The following CD58 variants were observed in gnomAD, a reference collection of about 807,000 sequenced individuals.
CD58 encodes CD58 molecule.
CD58 carries 14 observed loss-of-function variants against 27.6 expected under a neutral mutation model. The ratio of observed to expected loss-of-function variants is 0.51; its 90% CI spans 0.34 to 0.79. CD58 has a LOEUF of 0.79. Among genes scored for constraint, CD58 ranks in the 30% least tolerant of loss-of-function variants. The pLI, the probability that CD58 is intolerant of heterozygous loss-of-function variation, is 0.02. For synonymous variants in CD58, 117 were observed against 103.8 expected (o/e 1.13, Z -0.77); for missense variants, 268 against 301.7 (o/e 0.89, Z 0.83).
At position 116,527,945 on chromosome 1, in the gene CD58, T is replaced by C. The variant is rs1249141878; in HGVS notation, c.629-5962A>G. On this transcript the variant is annotated intron_variant, in intron 3 of 5. Coordinates refer to ENST00000369489, the MANE Select transcript of CD58 (RefSeq NM_001779.3). The surrounding 1 kb of genome is among the most constrained non-coding windows in gnomAD (Gnocchi z 4.4). Reference sequence around the variant, plus strand: ...ACCTCAGTAACTTTTTAATTTTTAGTAGAGATAGGGTCTCCCTATGTTGCC... The same window carrying C: ...ACCTCAGTAACTTTTTAATTTTTAGCAGAGATAGGGTCTCCCTATGTTGCC... Among the ~76,000 whole-genome samples, 3 of 152,200 alleles carry C rather than the reference T, an allele frequency of 2.0e-5. 1 individual carries two copies. The highest frequency in any genetic ancestry group is 6.5e-5 in the Admixed American group (1 of 15,274).
At position 116,531,747 on chromosome 1, in the gene CD58, C is replaced by CT. The variant is rs571072562; in HGVS notation, c.628+4217dup. Among the ~76,000 whole-genome samples the CT allele has an allele frequency of 1.3e-5, 2 of 151,996 alleles. No homozygotes were observed. Among genetic ancestry groups the CT allele is most frequent in the African/African-American group, 2.4e-5 (1 of 41,384 alleles). On this transcript the variant is annotated intron_variant, in intron 3 of 5. Coordinates refer to ENST00000369489, the MANE Select transcript of CD58 (RefSeq NM_001779.3). This position sits in a 1 kb window ranked among gnomAD's most constrained non-coding sequence, Gnocchi z 4.5. ...AAATTGGGACTCATTTGCACTTTTTCTTTTTTTTCTCCGTGTTTCATAACT... is the reference window on the plus strand; with the variant it reads ...AAATTGGGACTCATTTGCACTTTTTCTTTTTTTTTCTCCGTGTTTCATAACT...
In CD58 at chr1:116,570,856, C is replaced by T; in HGVS notation, c.70+47G>A. The stretch of plus-strand genomic sequence containing the variant: ...GCGTCCACCCAGCCTGGGTGCTGCC[C>T]AGTACCCGCCGGCCGGCGCGGGGCC... On this transcript the variant is annotated intron_variant, in intron 1 of 5. Coordinates refer to ENST00000369489, the MANE Select transcript of CD58 (RefSeq NM_001779.3). The surrounding 1 kb of genome is among the most constrained non-coding windows in gnomAD (Gnocchi z 6.4). 6.8e-7 allele frequency: 1 copy of T among 1,473,604 alleles called. No homozygotes were observed. The allele number at this position is 1,473,604 out of a possible 1,614,324, so 91.3% of individuals were successfully genotyped here.
rs903464476 is a variant in CD58, at chr1:116,516,139, G to A, written c.744-1317C>T. On this transcript the variant is annotated intron_variant, in intron 5 of 5. Transcript: ENST00000369489. This position sits in a 1 kb window ranked among gnomAD's most constrained non-coding sequence, Gnocchi z 6.1. ...TAACTCCTAAACTCAAGCGATCCTC[G>A]CACCTCAGCCTCCCAAGTAGCTGAG... is the stretch of plus-strand genomic sequence containing the variant. Among the ~76,000 whole-genome samples, 2 of 151,904 alleles carry A rather than the reference G, an allele frequency of 1.3e-5. No homozygotes were observed. The highest frequency in any genetic ancestry group is 2.1e-4 in the South Asian group (1 of 4,808).
rs755251356 is a variant in CD58 at position 116,521,883 on chromosome 1, T to A, written c.706+23A>T. ...AAAACAATGCAAGTTTTCAAACTAT[T>A]TTGTTTTAAAAAGCATACATACCAT... On this transcript the variant is annotated intron_variant, in intron 4 of 5. Coordinates refer to ENST00000369489, the MANE Select transcript of CD58 (RefSeq NM_001779.3). The surrounding 1 kb of genome is among the most constrained non-coding windows in gnomAD (Gnocchi z 5.6). The A allele has an allele frequency of 1.6e-6, 2 of 1,243,610 alleles. No homozygotes were observed. Among genetic ancestry groups the A allele is most frequent in the South Asian group, 2.5e-5 (2 of 79,534 alleles). The allele number at this position is 1,243,610 out of a possible 1,614,324, so 77.0% of individuals were successfully genotyped here.
rs2101181395 is a variant in CD58 at position 116,538,902 on chromosome 1, A to T, written c.365-2674T>A. ...CTTCAAATAAAATGTAAATTCTTCT[A>T]CCCGCTATCTCCAAAGAGGTACAGT... On this transcript the variant is annotated intron_variant, in intron 2 of 5. Transcript: ENST00000369489. This position sits in a 1 kb window ranked among gnomAD's most constrained non-coding sequence, Gnocchi z 4.7. Among the ~76,000 whole-genome samples, 1 of 152,294 alleles carries T rather than the reference A, an allele frequency of 6.6e-6. No individual in the cohort carries two copies. The highest frequency in any genetic ancestry group is 6.5e-5 in the Admixed American group (1 of 15,292).
intron 1 of CD58, among the ~76,000 whole-genome samples, chr1:116,561,165 A>G (rs1054992884): frequency 6.6e-6 from 1 of 152,256 alleles, no homozygotes; most frequent in African/African-American, 2.4e-5. Flanking sequence ...AAGGAGGTCA[A>G]TAAAATAAAT....
chr1:116,533,691 C>A (rs1657693038), intron 3 of CD58: 5 of 682,524 alleles, frequency 7.3e-6, no homozygotes, highest in Non-Finnish European at 1.4e-5. Context: ...TGTCTCCAGC[C>A]AATTTCTCCT....
intron 3 of CD58, chr1:116,533,417 G>A: frequency 2.5e-6 from 2 of 801,968 alleles, no homozygotes; most frequent in Non-Finnish European, 4.5e-6. Flanking sequence ...TCATCTTGCA[G>A]GTTTTTGTCA....
chr1:116,517,767 A>G lies in CD58; in HGVS notation c.743+1464T>C, dbSNP rs913638693. Among the ~76,000 whole-genome samples, 3 of 152,108 alleles carry G rather than the reference A, an allele frequency of 2.0e-5. No homozygotes were observed. Among genetic ancestry groups the G allele is most frequent in the Non-Finnish European group, 4.4e-5 (3 of 68,030 alleles). On this transcript the variant is annotated intron_variant, in intron 5 of 5. Coordinates refer to ENST00000369489, the MANE Select transcript of CD58 (RefSeq NM_001779.3). The surrounding 1 kb of genome is among the most constrained non-coding windows in gnomAD (Gnocchi z 6.5). ...CACGGCATCAATTACTGTCCAGATG[A>G]AGAGGCGCCCCAATCCGTAACTCTA...
rs576339259 is a variant in CD58 at position 116,545,143 on chromosome 1, G to A, written c.71-539C>T. Among the ~76,000 whole-genome samples, 122 of 152,286 alleles carry A rather than the reference G, an allele frequency of 8.0e-4. 1 individual carries two copies. Among genetic ancestry groups the A allele is most frequent in the Middle Eastern group, 3.4e-3 (1 of 292 alleles). On this transcript the variant is annotated intron_variant, in intron 1 of 5. Coordinates refer to ENST00000369489, the MANE Select transcript of CD58 (RefSeq NM_001779.3). ...GCATGGTGTGCTTGAGGATACACAC[G>A]TGATTCCTAACAGCTAGAATGAGGA...
At position 116,522,835 on chromosome 1, in the gene CD58, C is replaced by T. The variant is rs1282859499; in HGVS notation, c.629-852G>A. 6.6e-6 allele frequency among the ~76,000 whole-genome samples: 1 copy of T among 151,626 alleles called. No individual in the cohort carries two copies. The highest frequency in any genetic ancestry group is 1.9e-4 in the East Asian group (1 of 5,194). ...AATTCTGGCAGTTGTATATAATAAG[C>T]CTTAAAAATATTTATCATGAAGCAT... is the stretch of plus-strand genomic sequence containing the variant. On this transcript the variant is annotated intron_variant, in intron 3 of 5. Transcript: ENST00000369489. This position sits in a 1 kb window ranked among gnomAD's most constrained non-coding sequence, Gnocchi z 4.6.
intron 1 of CD58, among the ~76,000 whole-genome samples, chr1:116,569,410 C>G (rs1380035512): frequency 1.3e-5 from 2 of 152,124 alleles, no homozygotes; most frequent in East Asian, 3.9e-4. Context: ...GCTCTCTCAG[C>G]TCAGAGAATC....
chr1:116,561,333 G>C (rs1658743991), intron 1 of CD58, among the ~76,000 whole-genome samples: 1 of 152,168 alleles, frequency 6.6e-6, no homozygotes, highest in Non-Finnish European at 1.5e-5. Context: ...GTGACAAGTG[G>C]GGAAATCTGA....
intron 3 of CD58, among the ~76,000 whole-genome samples, chr1:116,529,870 C>T (rs777012763): frequency 1.6e-4 from 24 of 152,180 alleles, no homozygotes; most frequent in South Asian, 8.3e-4. Flanking sequence ...GTTGCAGTGA[C>T]GGTATGACAG....
At chr1:116,560,621 T>C (rs1304192085) in intron 1 of CD58, among the ~76,000 whole-genome samples, 1 of 152,234 alleles carries the variant, frequency 6.6e-6, no homozygotes, top group Non-Finnish European at 1.5e-5. Flanking sequence ...TTCAAGAAAC[T>C]ACAGACTGGT....
chr1:116,520,138 G>GTTTT (rs931475257), intron 4 of CD58, among the ~76,000 whole-genome samples: 1 of 152,058 alleles, frequency 6.6e-6, no homozygotes, highest in Non-Finnish European at 1.5e-5. Flanking sequence ...TTGTTTGTTT[G>GTTTT]TTTTTTGAGA....
Position 116,519,026 on chromosome 1 carries a change from A to G in CD58, c.743+205T>C. 8.2e-7 allele frequency: 1 copy of G among 1,216,182 alleles called. No individual in the cohort carries two copies. The highest frequency in any genetic ancestry group is 1.5e-5 in the African/African-American group (1 of 65,296). The allele number at this position is 1,216,182 out of a possible 1,614,324, so 75.3% of individuals were successfully genotyped here. ...CAAGGCTCATTGAGAGGGTTCCAGG[A>G]AACGATATGCAGAGAGTGGCTAGTG... On this transcript the variant is annotated intron_variant, in intron 5 of 5. Transcript: ENST00000369489. This position sits in a 1 kb window ranked among gnomAD's most constrained non-coding sequence, Gnocchi z 4.7.
intron 1 of CD58, among the ~76,000 whole-genome samples, chr1:116,564,826 T>C (rs528563377): frequency 6.6e-6 from 1 of 152,290 alleles, no homozygotes; most frequent in Non-Finnish European, 1.5e-5. Flanking sequence ...GCATGTTGCT[T>C]AGGATGGTCT....
chr1:116,568,888 T>C (rs1475051626), intron 1 of CD58, among the ~76,000 whole-genome samples: 2 of 152,256 alleles, frequency 1.3e-5, no homozygotes, highest in African/African-American at 4.8e-5. Context: ...TCACTGCATT[T>C]GCAGCTTCCC....
Sources: gnomAD v4.1 joint callset for allele counts (sites outside exome capture counted in the v4.1 genomes callset) on GRCh38, gnomAD v4.1.1 for gene constraint, Gnocchi (gnomAD v3.1) non-coding constraint, MANE v1.5 for transcripts, NCBI Gene and HGNC (gene_info 2026-07-23, HGNC 2026-07-21) for gene names.